LRFN2: variants seen among roughly 807,000 people sequenced by gnomAD.
LRFN2 encodes leucine rich repeat and fibronectin type III domain containing 2.
In LRFN2, 18 loss-of-function variants were observed where a neutral mutation model predicts 37.3. The ratio of observed to expected loss-of-function variants is 0.48; its 90% confidence interval spans 0.33 to 0.72. The LOEUF (loss-of-function observed/expected upper bound fraction) is 0.72, where lower values mean the gene tolerates loss of function less well. Among genes scored for constraint, LRFN2 ranks in the 30% least tolerant of loss-of-function variants. The pLI, the probability that LRFN2 is intolerant of heterozygous loss-of-function variation, is 0.02. For synonymous variants in LRFN2, 556 were observed against 466.6 expected, an observed-to-expected ratio of 1.19 and a Z score of -2.47; for missense variants, 1,006 against 1,060.7, an observed-to-expected ratio of 0.95 and a Z score of 0.72.
At position 40,432,464 on chromosome 6, in the gene LRFN2, A is replaced by G. The variant is rs770646892; in HGVS notation, c.650T>C (p.Ile217Thr). 6.2e-7 allele frequency: 1 copy of G among 1,614,226 alleles called. No individual in the cohort carries two copies. The highest frequency in any genetic ancestry group is 1.1e-5 in the South Asian group (1 of 91,084). Residue 217 changes from isoleucine (I) to threonine (T), a missense_variant, in exon 2 of 3, where the codon ATC becomes ACC. By Grantham distance (89) the Ile-to-Thr change is moderately conservative. Coordinates refer to ENST00000338305, the MANE Select transcript of LRFN2 (RefSeq NM_020737.3). ...NRLQKLPPDP[I>T]FARSQASALT... ...AGCCGAAGCCTGGGAGCGGGCAAAG[A>G]TGGGATCAGGGGGCAGCTTCTGCAG...
In LRFN2 at chr6:40,432,123, C is replaced by T. The variant is rs1263715445; in HGVS notation, c.991G>A (p.Gly331Arg). ...HWVAPDDRLVGNSSRTAVYDN... is the reference protein window; with the variant it reads ...HWVAPDDRLVRNSSRTAVYDN... ...TAGACAGCGGTCCTTGAGGAGTTCCCTACCAGGCGGTCATCGGGGGCTACC... is the reference window on the plus strand; with the variant it reads ...TAGACAGCGGTCCTTGAGGAGTTCCTTACCAGGCGGTCATCGGGGGCTACC... The change falls in exon 2 of 3, where the codon GGG becomes AGG. Residue 331 changes from glycine (G) to arginine (R), a missense_variant. Gly to Arg is a moderately radical substitution (Grantham distance 125). Around this residue, in one of 4 missense-constraint regions of LRFN2, gnomAD observed 303 missense variants for 299.8 expected, o/e 1.01. Transcript: ENST00000338305. The T allele has an allele frequency of 6.2e-7, 1 of 1,613,874 alleles. No homozygotes were observed. The highest frequency in any genetic ancestry group is 8.5e-7 in the Non-Finnish European group (1 of 1,179,954).
chr6:40,495,678 A>G (rs1036235657), intron 1 of LRFN2, among the ~76,000 whole-genome samples: 6 of 152,154 alleles, frequency 3.9e-5, no homozygotes, highest in African/African-American at 7.2e-5. Context: ...TGTATGAGCT[A>G]GTCAGTTTAC....
At chr6:40,537,114 C>A (rs1388449442) in intron 1 of LRFN2, among the ~76,000 whole-genome samples, 1 of 152,166 alleles carries the variant, frequency 6.6e-6, no homozygotes, top group African/African-American at 2.4e-5. Flanking sequence ...AGTGGTTATC[C>A]ATTCTCTACG....
At position 40,407,750 on chromosome 6, in the gene LRFN2, G is replaced by A. The variant is rs1420851325; in HGVS notation, c.1401-14838C>T. On this transcript the variant is annotated intron_variant, in intron 2 of 2. Coordinates refer to ENST00000338305, the MANE Select transcript of LRFN2 (RefSeq NM_020737.3). ...AGACACCAAGTAAACACCACCTAATGATGAACCTGGTCGGACCATTCACGC... is the reference window on the plus strand; with the variant it reads ...AGACACCAAGTAAACACCACCTAATAATGAACCTGGTCGGACCATTCACGC... 4 of 152,300 alleles carry A rather than the reference G, an allele frequency of 2.6e-5. No homozygotes were observed. In the East Asian group the frequency reaches 5.8e-4, roughly 22 times the overall value. 9.4% of individuals were successfully genotyped at this position (152,300 alleles called of 1,614,324 possible). A position where few individuals can be genotyped will look rare whatever the true frequency, so the allele number is the denominator to read the frequency against.
At chr6:40,423,455 G>T (rs1331373197) in intron 2 of LRFN2, among the ~76,000 whole-genome samples, 1 of 152,160 alleles carries the variant, frequency 6.6e-6, no homozygotes, top group South Asian at 2.1e-4. Flanking sequence ...AAATACATGA[G>T]CTCTTTCAGT....
At chr6:40,474,054 T>C (rs572360365) in intron 1 of LRFN2, among the ~76,000 whole-genome samples, 5 of 152,252 alleles carry the variant, frequency 3.3e-5, no homozygotes, top group Admixed American at 1.3e-4. Context: ...GTTGTTTTTT[T>C]AGATGTGGGG....
chr6:40,464,298 G>T (rs893680137), intron 1 of LRFN2, among the ~76,000 whole-genome samples: 2 of 152,168 alleles, frequency 1.3e-5, no homozygotes, highest in African/African-American at 4.8e-5. Context: ...GCAGTGCTAT[G>T]GTTTGAATGT....
intron 1 of LRFN2, among the ~76,000 whole-genome samples, chr6:40,488,044 A>T (rs1561875461): frequency 6.6e-6 from 1 of 152,168 alleles, no homozygotes; most frequent in Admixed American, 6.5e-5. Context: ...CCACGGGTCG[A>T]AAAGGAGAGG....
At chr6:40,426,694 C>T (rs928201354) in intron 2 of LRFN2, among the ~76,000 whole-genome samples, 6 of 152,168 alleles carry the variant, frequency 3.9e-5, no homozygotes, top group Admixed American at 6.5e-5. Flanking sequence ...ACAAATACTT[C>T]GAATAAGTTA....
chr6:40,476,234 CA>C (rs1764706690), intron 1 of LRFN2, among the ~76,000 whole-genome samples: 1 of 152,238 alleles, frequency 6.6e-6, no homozygotes, highest in Non-Finnish European at 1.5e-5. Context: ...CCCCTCCCCA[CA>C]TTTATTGAAG....
chr6:40,527,110 A>G (rs1766269187), intron 1 of LRFN2, among the ~76,000 whole-genome samples: 1 of 152,228 alleles, frequency 6.6e-6, no homozygotes, highest in South Asian at 2.1e-4. Flanking sequence ...ATTTCTAGAA[A>G]TTCCTTTGGA....
intron 2 of LRFN2, among the ~76,000 whole-genome samples, chr6:40,403,995 C>G (rs1456700951): frequency 6.6e-6 from 1 of 152,206 alleles, no homozygotes; most frequent in Non-Finnish European, 1.5e-5. Context: ...GACTTTTGCA[C>G]TGGCTGTTCC....
chr6:40,429,009 T>C (rs1763416865), intron 2 of LRFN2, among the ~76,000 whole-genome samples: 1 of 152,196 alleles, frequency 6.6e-6, no homozygotes, highest in African/African-American at 2.4e-5. Context: ...ATAATAATAA[T>C]CTGTATTCCT....
At chr6:40,422,331 C>T (rs1003331574) in intron 2 of LRFN2, among the ~76,000 whole-genome samples, 1 of 152,188 alleles carries the variant, frequency 6.6e-6, no homozygotes, top group South Asian at 2.1e-4. Flanking sequence ...TCTACCAGTG[C>T]TGTCCAAACC....
intron 1 of LRFN2, among the ~76,000 whole-genome samples, chr6:40,444,624 T>C (rs948123165): frequency 1.3e-5 from 2 of 152,204 alleles, no homozygotes; most frequent in Admixed American, 1.3e-4. Flanking sequence ...GCTGGGTCCC[T>C]GCACTGACCC....
chr6:40,577,981 A>G (rs570171098), intron 1 of LRFN2, among the ~76,000 whole-genome samples: 170 of 151,962 alleles, frequency 1.1e-3, no homozygotes, highest in Admixed American at 2.0e-3. Flanking sequence ...AAGGTTCCCA[A>G]TCCAGGTTCC....
At chr6:40,527,623 C>T (rs958365403) in intron 1 of LRFN2, among the ~76,000 whole-genome samples, 2 of 152,040 alleles carry the variant, frequency 1.3e-5, no homozygotes, top group African/African-American at 2.4e-5. Flanking sequence ...AGAAAGAGAG[C>T]CAATATACAC....
intron 1 of LRFN2, among the ~76,000 whole-genome samples, chr6:40,461,555 A>G (rs1324324227): frequency 6.6e-6 from 1 of 151,762 alleles, no homozygotes; most frequent in African/African-American, 2.4e-5. Flanking sequence ...TAAACAAGAT[A>G]GATCAAATCC....
intron 2 of LRFN2, among the ~76,000 whole-genome samples, chr6:40,425,671 C>T (rs1422043934): frequency 6.6e-6 from 1 of 152,218 alleles, no homozygotes; most frequent in African/African-American, 2.4e-5. Flanking sequence ...GTCAGCCCTC[C>T]CTAGTCACAA....
Sources: gnomAD v4.1 joint callset for allele counts (sites outside exome capture counted in the v4.1 genomes callset) on GRCh38, gnomAD v4.1.1 for gene constraint, gnomAD v4.1.1 regional missense constraint, MANE v1.5 for transcripts, NCBI Gene and HGNC (gene_info 2026-07-23, HGNC 2026-07-21) for gene names.